MAF: variants seen among roughly 807,000 people sequenced by gnomAD.
MAF encodes the protein MAF bZIP transcription factor, also known as transcription factor Maf.
A neutral mutation model predicts 22.0 loss-of-function variants in MAF; 10 were observed. The observed-to-expected ratio is 0.45, with a 90% CI of 0.28 to 0.77. The LOEUF (loss-of-function observed/expected upper bound fraction) is 0.77, where lower values mean the gene tolerates loss of function less well. MAF is among the 30% of genes least tolerant of loss of function. MAF has a pLI of 0.12. For synonymous variants in MAF, 337 were observed against 255.8 expected (o/e 1.32, Z -3.03); for missense variants, 544 against 548.4 (o/e 0.99, Z 0.08).
downstream of MAF, among the ~76,000 whole-genome samples, chr16:79,593,067 C>T (rs985170528): frequency 6.6e-6 from 1 of 151,808 alleles, no homozygotes; most frequent in African/African-American, 2.4e-5. Flanking sequence ...CTTTAACTAC[C>T]GGCAGCCAAA....
At chr16:79,580,800 C>A in the MAF span, among the ~76,000 whole-genome samples, 1 of 131,246 alleles carries the variant, frequency 7.6e-6, no homozygotes. Flanking sequence ...AGAAACTGTT[C>A]CAGGCTTTAA....
At chr16:79,274,657 G>C in the MAF span, among the ~76,000 whole-genome samples, 1 of 152,126 alleles carries the variant, frequency 6.6e-6, no homozygotes, top group African/African-American at 2.4e-5. Flanking sequence ...CCAGGGAGAT[G>C]GGGTTCAGGG....
chr16:79,563,934 T>C, the MAF span, among the ~76,000 whole-genome samples: 2 of 152,272 alleles, frequency 1.3e-5, no homozygotes, highest in African/African-American at 2.4e-5. Flanking sequence ...GTGATCATTT[T>C]TGGATGTTGG....
the MAF span, among the ~76,000 whole-genome samples, chr16:79,324,215 T>C: frequency 6.6e-6 from 1 of 152,220 alleles, no homozygotes; most frequent in Non-Finnish European, 1.5e-5. Flanking sequence ...TAAAATGAAA[T>C]GCTGCATTTC....
chr16:79,377,185 G>C, the MAF span, among the ~76,000 whole-genome samples: 3 of 152,164 alleles, frequency 2.0e-5, no homozygotes, highest in East Asian at 3.9e-4. Flanking sequence ...TCCAGCACCT[G>C]TTGTTTCCTG....
the MAF span, among the ~76,000 whole-genome samples, chr16:79,332,700 C>T: frequency 0.063 from 9,583 of 152,226 alleles, 590 homozygotes; most frequent in African/African-American, 0.17. Context: ...ATGTCATGAG[C>T]GCAGTACTAT....
the MAF span, among the ~76,000 whole-genome samples, chr16:79,477,380 G>A: frequency 1.3e-5 from 2 of 152,146 alleles, no homozygotes; most frequent in Non-Finnish European, 2.9e-5. Flanking sequence ...GGGCCAGACG[G>A]ATCAGCTTTG....
chr16:79,588,986 A>C (rs991940733), downstream of MAF, among the ~76,000 whole-genome samples: 5 of 152,168 alleles, frequency 3.3e-5, no homozygotes, highest in African/African-American at 9.7e-5. Context: ...TTACATAAAA[A>C]ATCTGACAGT....
the MAF span, among the ~76,000 whole-genome samples, chr16:79,568,945 A>G: frequency 6.4e-4 from 98 of 152,348 alleles, no homozygotes; most frequent in Admixed American, 5.7e-3. Context: ...AGATGAGAAG[A>G]ACAGATCCAA....
At chr16:79,491,445 G>A in the MAF span, among the ~76,000 whole-genome samples, 1 of 152,182 alleles carries the variant, frequency 6.6e-6, no homozygotes, top group Non-Finnish European at 1.5e-5. Context: ...ACAAGAAACA[G>A]GCAGAGAGCC....
downstream of MAF, among the ~76,000 whole-genome samples, chr16:79,584,207 C>A (rs1481924841): frequency 6.6e-6 from 1 of 152,108 alleles, no homozygotes; most frequent in African/African-American, 2.4e-5. Flanking sequence ...TGAAGCTGTA[C>A]ATGGTTGAAA....
the MAF span, among the ~76,000 whole-genome samples, chr16:79,288,076 G>A: frequency 6.6e-6 from 1 of 152,170 alleles, no homozygotes; most frequent in East Asian, 1.9e-4. Context: ...TCAGAAAACA[G>A]AGAGGAAGGC....
the MAF span, among the ~76,000 whole-genome samples, chr16:79,419,744 G>A: frequency 2.6e-5 from 4 of 152,144 alleles, no homozygotes; most frequent in South Asian, 2.1e-4. Context: ...ACCTTGGCAC[G>A]AGGAAGAAAT....
the MAF span, among the ~76,000 whole-genome samples, chr16:79,399,366 G>A: frequency 1.3e-5 from 2 of 152,288 alleles, no homozygotes; most frequent in South Asian, 2.1e-4. Context: ...GTCTTGAAAG[G>A]AGGGAGCACT....
the MAF span, among the ~76,000 whole-genome samples, chr16:79,268,818 C>G: frequency 6.6e-6 from 1 of 152,210 alleles, no homozygotes; most frequent in Non-Finnish European, 1.5e-5. Flanking sequence ...ATCATGCACA[C>G]AAGCCGCATT....
the MAF span, among the ~76,000 whole-genome samples, chr16:79,341,729 G>T: frequency 6.6e-6 from 1 of 152,164 alleles, no homozygotes; most frequent in African/African-American, 2.4e-5. Flanking sequence ...GGATTGCAAG[G>T]TTGAAGGAGG....
At chr16:79,467,725 A>T in the MAF span, among the ~76,000 whole-genome samples, 2,167 of 152,238 alleles carry the variant, frequency 0.014, 53 homozygotes, top group African/African-American at 0.049. Flanking sequence ...CTGCGTCCTA[A>T]CAAGCCCCCC....
the MAF span, among the ~76,000 whole-genome samples, chr16:79,575,799 A>C: frequency 6.6e-6 from 1 of 152,184 alleles, no homozygotes; most frequent in Non-Finnish European, 1.5e-5. Context: ...CAGAAACCTG[A>C]AAGCATAGTT....
the MAF span, among the ~76,000 whole-genome samples, chr16:79,566,057 G>A: frequency 2.0e-5 from 3 of 152,126 alleles, no homozygotes; most frequent in Non-Finnish European, 2.9e-5. Flanking sequence ...CTAGGTTTGT[G>A]TATTAAAAAC....
Sources: allele counts gnomAD v4.1 joint callset (sites outside exome capture counted in the v4.1 genomes callset), GRCh38; gene constraint gnomAD v4.1.1; transcripts MANE v1.5; gene names NCBI Gene and HGNC (gene_info 2026-07-23, HGNC 2026-07-21).